The following FER1L6 variants were observed in gnomAD, a reference collection of about 807,000 sequenced individuals.
FER1L6 encodes fer-1 like family member 6, also known as fer-1-like protein 6.
In FER1L6, 177 loss-of-function variants were observed where a neutral mutation model predicts 219.2. The ratio of observed to expected loss-of-function variants is 0.81; its 90% CI spans 0.71 to 0.91. FER1L6 has a LOEUF of 0.91. Among genes scored for constraint, FER1L6 ranks in the 40% least tolerant of loss-of-function variants. The pLI is 0.00. For missense variants in FER1L6, 2,153 were observed against 2,259.9 expected, an observed-to-expected ratio of 0.95 and a Z score of 0.96; for synonymous variants, 768 against 824.3, an observed-to-expected ratio of 0.93 and a Z score of 1.17.
chr8:123,915,441 G>A (rs941066919), intron 1 of FER1L6, among the ~76,000 whole-genome samples: 4 of 152,112 alleles, frequency 2.6e-5, no homozygotes, highest in Non-Finnish European at 5.9e-5. Context: ...AAGTAATTTG[G>A]TAGAATTACA....
intron 1 of FER1L6, among the ~76,000 whole-genome samples, chr8:123,942,980 A>AGGCTGGAG (rs1396628206): frequency 6.6e-6 from 1 of 152,216 alleles, no homozygotes; most frequent in Non-Finnish European, 1.5e-5. Context: ...TGGAGGCAGC[A>AGGCTGGAG]GGCTGGAGGG....
intron 1 of FER1L6, among the ~76,000 whole-genome samples, chr8:123,910,206 GC>G (rs1292234011): frequency 1.3e-5 from 2 of 152,170 alleles, no homozygotes; most frequent in Admixed American, 1.3e-4. Flanking sequence ...TCTAGGGTAT[GC>G]CGTCATGTGA....
chr8:123,956,974 TG>T (rs1359095696), intron 2 of FER1L6, among the ~76,000 whole-genome samples: 1 of 152,214 alleles, frequency 6.6e-6, no homozygotes, highest in African/African-American at 2.4e-5. Flanking sequence ...ATTGGATCAG[TG>T]GTTTCCAAGT....
intron 12 of FER1L6, among the ~76,000 whole-genome samples, chr8:123,986,854 T>C (rs1395605919): frequency 6.6e-6 from 1 of 152,244 alleles, no homozygotes; most frequent in East Asian, 1.9e-4. Context: ...GTTCTCATTC[T>C]TTTTCATGGA....
chr8:123,945,194 C>A lies in FER1L6; in HGVS notation c.-7-10798C>A, dbSNP rs570424054. On this transcript the variant is annotated intron_variant, in intron 1 of 40. Transcript: ENST00000522917. Reference sequence around the variant, plus strand: ...AGACTGAGAGGACTAGACTGGGAAGCCCCTGTATATTTGGGACTTAATACA... The same window carrying A: ...AGACTGAGAGGACTAGACTGGGAAGACCCTGTATATTTGGGACTTAATACA... 8.5e-5 allele frequency among the ~76,000 whole-genome samples: 13 copies of A among 152,268 alleles called. No homozygotes were observed. In the South Asian group the frequency reaches 2.5e-3, roughly 29 times the overall value.
chr8:123,865,685 G>A (rs1417485399), intron 1 of FER1L6, among the ~76,000 whole-genome samples: 23 of 151,244 alleles, frequency 1.5e-4, no homozygotes, highest in Admixed American at 1.5e-3. Context: ...GTCTCGTGGT[G>A]AGCCGTTTTT....
chr8:124,039,784 G>A, intron 19 of FER1L6, 98 bp from the exon 20 acceptor site: 1 of 1,511,476 alleles, frequency 6.6e-7, no homozygotes. Context: ...TTGTCTGTCT[G>A]TGGATACATA....
intron 26 of FER1L6, 40 bp from the exon 27 acceptor site, chr8:124,066,388 T>A: frequency 6.3e-7 from 1 of 1,598,902 alleles, no homozygotes; most frequent in South Asian, 1.1e-5. Context: ...TGCAGCCAAA[T>A]GAGGTTGAAC....
intron 31 of FER1L6, among the ~76,000 whole-genome samples, chr8:124,074,030 T>C (rs1821180551): frequency 6.6e-6 from 1 of 152,266 alleles, no homozygotes; most frequent in Non-Finnish European, 1.5e-5. Flanking sequence ...CACCTTATTC[T>C]ATCTACAGGA....
intron 1 of FER1L6, among the ~76,000 whole-genome samples, chr8:123,885,025 G>A (rs140765674): frequency 1.6e-4 from 24 of 152,292 alleles, no homozygotes; most frequent in Admixed American, 1.2e-3. Context: ...TCTGGAGAAG[G>A]CCATGTGCAG....
Position 124,016,396 on chromosome 8 carries a change from T to C in FER1L6, c.1923-1232T>C, listed in dbSNP as rs565509796. 1.4e-3 allele frequency among the ~76,000 whole-genome samples: 216 copies of C among 152,302 alleles called. 3 individuals are homozygous for C. Among genetic ancestry groups the C allele is most frequent in the Admixed American group, 0.014 (211 of 15,286 alleles). Reference sequence around the variant, plus strand: ...CTGGGTGGTGTGGCATCTTAGACTTTCCTTTTTGTTTCCTTTATAATTGAT... The same window carrying C: ...CTGGGTGGTGTGGCATCTTAGACTTCCCTTTTTGTTTCCTTTATAATTGAT... On this transcript the variant is annotated intron_variant, in intron 15 of 40. Coordinates refer to ENST00000522917, the MANE Select transcript of FER1L6 (RefSeq NM_001039112.2).
intron 15 of FER1L6, among the ~76,000 whole-genome samples, chr8:124,015,531 A>C (rs1022680468): frequency 7.0e-6 from 1 of 141,864 alleles, no homozygotes; most frequent in Admixed American, 7.2e-5. Context: ...AAAAGTAAAG[A>C]AAAGAAATAG....
intron 15 of FER1L6, chr8:124,014,488 C>T (rs1818087424): frequency 1.3e-5 from 2 of 152,796 alleles, no homozygotes; most frequent in Non-Finnish European, 2.9e-5. Context: ...AAGACAATCA[C>T]ATTTAAGCTT....
At chr8:123,973,633 T>C in intron 7 of FER1L6, 121 bp downstream of exon 7, 4 of 759,782 alleles carry the variant, frequency 5.3e-6, no homozygotes, top group South Asian at 3.0e-5. Context: ...GCACCAGTTA[T>C]ACAAAGTTGA....
At chr8:124,005,463 T>C (rs148993806) in intron 13 of FER1L6, among the ~76,000 whole-genome samples, 85 of 152,328 alleles carry the variant, frequency 5.6e-4, no homozygotes, top group African/African-American at 2.0e-3. Context: ...CGCCTGGCAA[T>C]AATCTCCCTC....
chr8:123,869,000 T>C (rs1009439153), intron 1 of FER1L6, among the ~76,000 whole-genome samples: 1 of 152,110 alleles, frequency 6.6e-6, no homozygotes, highest in Non-Finnish European at 1.5e-5. Context: ...CTGGATCTAA[T>C]TTGGGGCTGA....
intron 39 of FER1L6, among the ~76,000 whole-genome samples, chr8:124,114,226 A>C (rs1219985551): frequency 2.0e-5 from 3 of 149,108 alleles, no homozygotes; most frequent in Admixed American, 6.8e-5. Flanking sequence ...CTCCTCCCCC[A>C]CCCCCCAAAA....
intron 1 of FER1L6, among the ~76,000 whole-genome samples, chr8:123,859,138 C>T (rs909842477): frequency 6.6e-6 from 1 of 152,036 alleles, no homozygotes; most frequent in African/African-American, 2.4e-5. Context: ...TAGCTGGGAC[C>T]ACAGGTGTGC....
intron 7 of FER1L6, among the ~76,000 whole-genome samples, chr8:123,973,749 G>A (rs1163800547): frequency 3.3e-5 from 5 of 152,014 alleles, no homozygotes; most frequent in African/African-American, 9.7e-5. Context: ...CTGTCCAGTC[G>A]AGATATGGAC....
Sources: gnomAD v4.1 joint callset for allele counts (sites outside exome capture counted in the v4.1 genomes callset) on GRCh38, gnomAD v4.1.1 for gene constraint, MANE v1.5 for transcripts, NCBI Gene and HGNC (gene_info 2026-07-23, HGNC 2026-07-21) for gene names.